CYP4F12: variants seen among roughly 807,000 people sequenced by gnomAD.
The protein encoded by CYP4F12 is cytochrome P450 4F12.
Under a neutral mutation model 56.5 loss-of-function variants are expected in CYP4F12, and 60 were observed. That is an observed-to-expected ratio of 1.06 (90% CI 0.86 to 1.32). CYP4F12 has a LOEUF of 1.32. Among genes scored for constraint, CYP4F12 ranks in the 40% most tolerant of loss-of-function variants. CYP4F12 has a pLI of 0.00. For synonymous variants in CYP4F12, 263 were observed against 264.9 expected (o/e 0.99, Z 0.07); for missense variants, 711 against 683.5 (o/e 1.04, Z -0.45).
At chr19:15,682,988 T>G (rs890931727) in intron 6 of CYP4F12, among the ~76,000 whole-genome samples, 1 of 152,056 alleles carries the variant, frequency 6.6e-6, no homozygotes, top group African/African-American at 2.4e-5. Context: ...GTGCCCTCTT[T>G]GGCCTCAGAA....
chr19:15,675,516 T>C (rs1261155134), intron 2 of CYP4F12, among the ~76,000 whole-genome samples: 1 of 152,214 alleles, frequency 6.6e-6, no homozygotes, highest in Non-Finnish European at 1.5e-5. Flanking sequence ...TAGGGATATG[T>C]CCTGAGGCCA....
chr19:15,674,689 C>CATTCCTCTCCTCACTCACTCATTCCTCTT (rs71176764), intron 2 of CYP4F12, among the ~76,000 whole-genome samples: 3 of 135,282 alleles, frequency 2.2e-5, no homozygotes, highest in African/African-American at 5.4e-5. Flanking sequence ...TCATTCCTCT[C>CATTCCTCTCCTCACTCACTCATTCCTCTT]CTCATTCACT....
intron 9 of CYP4F12, among the ~76,000 whole-genome samples, chr19:15,687,870 G>A (rs1046219878): frequency 6.6e-6 from 1 of 152,192 alleles, no homozygotes; most frequent in Non-Finnish European, 1.5e-5. Flanking sequence ...TCTCACAGGG[G>A]ACCTTGGGGA....
At chr19:15,680,881 C>T (rs760358685) in intron 5 of CYP4F12, 8 of 343,444 alleles carry the variant, frequency 2.3e-5, no homozygotes, top group Non-Finnish European at 4.5e-5. Flanking sequence ...GACAGCTGGC[C>T]AGTTCTTCTG....
intron 9 of CYP4F12, among the ~76,000 whole-genome samples, 193 bp from the exon 10 acceptor site, chr19:15,695,743 G>C (rs2008099284): frequency 6.6e-6 from 1 of 151,982 alleles, no homozygotes; most frequent in Non-Finnish European, 1.5e-5. Context: ...TTATCTATTT[G>C]GCTAAATTTT....
At chr19:15,692,296 A>G (rs665872) in intron 9 of CYP4F12, among the ~76,000 whole-genome samples, 86,745 of 151,952 alleles carry the variant, frequency 0.57, 25,111 homozygotes, top group East Asian at 0.71. Context: ...GCAAACATTT[A>G]TTGTGTGATA....
Position 15,682,440 on chromosome 19 carries a change from G to C in CYP4F12, c.577G>C (p.Glu193Gln). 1 of 1,613,940 alleles carries C rather than the reference G, an allele frequency of 6.2e-7. No homozygotes were observed. The highest frequency in any genetic ancestry group is 8.5e-7 in the Non-Finnish European group (1 of 1,179,828). ...SEGSSRLDMF[E>Q]HISLMTLDSL... ...GGGCAGCAGTCGTCTGGACATGTTT[G>C]AGCACATCAGCCTCATGACCTTGGA... The change falls in exon 6 of 13, where the codon GAG becomes CAG. Residue 193 changes from glutamate (E) to glutamine (Q), a missense_variant. Coordinates refer to ENST00000550308, the MANE Select transcript of CYP4F12 (RefSeq NM_023944.4).
Position 15,680,172 on chromosome 19 carries a change from G to A in CYP4F12, c.344-72G>A, listed in dbSNP as rs1317897910. The A allele has an allele frequency of 2.0e-6, 3 of 1,526,030 alleles. No homozygotes were observed. The East Asian group carries it at 6.8e-5, about 34-fold the overall frequency. 94.5% of individuals were successfully genotyped at this position (1,526,030 alleles called of 1,614,324 possible). ...CATGGAGTGGGGAAAGTGCTGGTAG[G>A]CAGCCTTGCCCTATACCTGAAGTTC... On this transcript the variant is annotated intron_variant, in intron 3 of 12. Transcript: ENST00000550308.
At chr19:15,695,107 G>A (rs1281377708) in intron 9 of CYP4F12, among the ~76,000 whole-genome samples, 1 of 151,968 alleles carries the variant, frequency 6.6e-6, no homozygotes, top group Non-Finnish European at 1.5e-5. Flanking sequence ...CAACCCAAAT[G>A]TCCAACAATG....
intron 9 of CYP4F12, among the ~76,000 whole-genome samples, chr19:15,693,763 C>T (rs1568425963): frequency 6.7e-6 from 1 of 149,938 alleles, no homozygotes; most frequent in Non-Finnish European, 1.5e-5. Context: ...AGTCCTTGCC[C>T]ATGTCTATGT....
intron 2 of CYP4F12, among the ~76,000 whole-genome samples, chr19:15,677,116 C>T (rs1308393526): frequency 7.0e-5 from 8 of 114,920 alleles, no homozygotes; most frequent in African/African-American, 2.7e-4. Flanking sequence ...CCTCTGCTCA[C>T]TCACTCATTC....
intron 9 of CYP4F12, among the ~76,000 whole-genome samples, chr19:15,690,455 T>G (rs2144753885): frequency 6.6e-6 from 1 of 152,322 alleles, no homozygotes; most frequent in South Asian, 2.1e-4. Context: ...ACTTGTACCC[T>G]TTGACCAATG....
In CYP4F12 at chr19:15,678,390, A is replaced by G. The variant is rs549333649; in HGVS notation, c.328A>G (p.Ile110Val). 9.0e-5 allele frequency: 145 copies of G among 1,614,026 alleles called. No individual in the cohort carries two copies. Among genetic ancestry groups the G allele is most frequent in the Non-Finnish European group, 1.2e-4 (136 of 1,180,030 alleles). ...VLCHPDTIRS[I>V]TNASAAIAPK... ...ATGCCACCCTGACACCATCCGGTCT[A>G]TCACCAATGCCTCAGGTACCCATGC... The change falls in exon 3 of 13, where the codon ATC becomes GTC. Residue 110 changes from isoleucine (I) to valine (V), a missense_variant. Coordinates refer to ENST00000550308, the MANE Select transcript of CYP4F12 (RefSeq NM_023944.4).
rs2683027 is a variant in CYP4F12, at chr19:15,680,233, G to A, written c.344-11G>A. ...CTCTACATGGCCCCTGATGGTCCTC[G>A]TTCATGTCAGCTGCCATTGCACCCA... On this transcript the variant is annotated splice_polypyrimidine_tract_variant and intron_variant, in intron 3 of 12. Transcript: ENST00000550308. 6,534 of 1,590,102 alleles carry A rather than the reference G, an allele frequency of 4.1e-3. 41 individuals are homozygous for A. In the African/African-American group the frequency reaches 0.078, roughly 19 times the overall value.
chr19:15,696,270 T>TTGTGTGTG lies in CYP4F12; in HGVS notation c.1314+54_1314+61dup, dbSNP rs145964606. The TTGTGTGTG allele has an allele frequency of 8.5e-6, 13 of 1,533,208 alleles. No homozygotes were observed. In the African/African-American group the frequency reaches 1.1e-4, roughly 13 times the overall value. 95.0% of individuals were successfully genotyped at this position (1,533,208 alleles called of 1,614,324 possible). ...CCACCACCACCCCCATCCTCTACTT[T>TTGTGTGTG]TGTGTGTGTGTGTGTGAATTCCAAG... On this transcript the variant is annotated intron_variant, in intron 11 of 12. Coordinates refer to ENST00000550308, the MANE Select transcript of CYP4F12 (RefSeq NM_023944.4).
intron 9 of CYP4F12, among the ~76,000 whole-genome samples, chr19:15,692,946 T>C (rs1332756798): frequency 6.6e-6 from 1 of 151,476 alleles, no homozygotes; most frequent in Non-Finnish European, 1.5e-5. Flanking sequence ...GCTGTTGTGG[T>C]GAATGCCTGT....
intron 7 of CYP4F12, 21 bp downstream of exon 7, chr19:15,683,784 A>AATTTAGGTG (rs779098983): frequency 3.0e-5 from 46 of 1,513,424 alleles, no homozygotes; most frequent in Middle Eastern, 1.8e-4. Context: ...CTATGATCTG[A>AATTTAGGTG]ATTTAGGTGA....
Position 15,673,528 on chromosome 19 carries a change from G to T in CYP4F12, c.-1-1G>T. ...CACCCTGCATCCCCTCTGCCCTGCA[G>T]GATGTCGCTGCTGAGCCTGCCCTGG... On this transcript the variant is annotated splice_acceptor_variant, in intron 1 of 12. Coordinates refer to ENST00000550308, the MANE Select transcript of CYP4F12 (RefSeq NM_023944.4). LOFTEE classifies it low-confidence loss of function (5UTR_SPLICE). The T allele has an allele frequency of 1.2e-6, 2 of 1,613,090 alleles. No individual in the cohort carries two copies. The highest frequency in any genetic ancestry group is 1.7e-6 in the Non-Finnish European group (2 of 1,179,806).
In CYP4F12 at chr19:15,673,154, C is replaced by G. The variant is rs905273765; in HGVS notation, c.-2+19C>G. Reference sequence around the variant, plus strand: ...ACAGAAGGTACCAGGCTGGGGGTGGCAGGGCTGGAAGGTCCTGGCCTGGGA... The same window carrying G: ...ACAGAAGGTACCAGGCTGGGGGTGGGAGGGCTGGAAGGTCCTGGCCTGGGA... On this transcript the variant is annotated intron_variant, in intron 1 of 12. Coordinates refer to ENST00000550308, the MANE Select transcript of CYP4F12 (RefSeq NM_023944.4). 1 of 462,380 alleles carries G rather than the reference C, an allele frequency of 2.2e-6. No individual in the cohort carries two copies. Among genetic ancestry groups the G allele is most frequent in the East Asian group, 6.9e-5 (1 of 14,458 alleles). 28.6% of individuals were successfully genotyped at this position (462,380 alleles called of 1,614,324 possible).
Sources: allele counts gnomAD v4.1 joint callset (sites outside exome capture counted in the v4.1 genomes callset), GRCh38; gene constraint gnomAD v4.1.1; transcripts MANE v1.5; gene names NCBI Gene and HGNC (gene_info 2026-07-23, HGNC 2026-07-21).